NBPF3: variants seen among roughly 807,000 people sequenced by gnomAD.
The protein encoded by NBPF3 is NBPF member 3, also known as NBPF family member NBPF3.
NBPF3 carries 57 observed loss-of-function variants against 78.1 expected under a neutral mutation model. The ratio of observed to expected loss-of-function variants is 0.73; its 90% CI spans 0.59 to 0.91. NBPF3 has a LOEUF of 0.91. NBPF3 is among the 40% of genes least tolerant of loss of function. The pLI, the probability that NBPF3 is intolerant of heterozygous loss-of-function variation, is 0.00. For missense variants in NBPF3, 510 were observed against 715.3 expected (o/e 0.71, Z 3.27); for synonymous variants, 182 against 271.7 (o/e 0.67, Z 3.25).
At chr1:21,471,930 TC>T in intron 5 of NBPF3, 147 bp downstream of exon 5, 1 of 1,166,292 alleles carries the variant, frequency 8.6e-7, no homozygotes, top group Non-Finnish European at 1.2e-6. Context: ...AACCAGGACT[TC>T]CTGGGTAAGA....
rs148434755 is a variant in NBPF3, at chr1:21,469,454, C to T, written c.343+557C>T. Among the ~76,000 whole-genome samples, 8 of 152,252 alleles carry T rather than the reference C, an allele frequency of 5.3e-5. No homozygotes were observed. The East Asian group carries it at 1.4e-3, about 26-fold the overall frequency. ...AAGAGCAGGGAGTAGGGGCCGTGCA[C>T]GGTGGCTCACTCCTGTAATCCAAGC... On this transcript the variant is annotated intron_variant, in intron 3 of 14. Transcript: ENST00000318249.
intron 4 of NBPF3, 92 bp downstream of exon 4, chr1:21,470,826 G>A (rs1353151598): frequency 6.5e-6 from 5 of 765,426 alleles, no homozygotes; most frequent in Non-Finnish European, 1.1e-5. Flanking sequence ...GCTGAACTGG[G>A]CCAGGGGAAG....
rs1641913230 is a variant in NBPF3 at position 21,460,900 on chromosome 1, A to G, written c.134-7788A>G. ...ATATAAATGGATGCATTCAAAATAT[A>G]TAAAGAACTCCTATAGGTTACAAGA... On this transcript the variant is annotated intron_variant, in intron 2 of 14. Transcript: ENST00000318249. This position sits in a 1 kb window ranked among gnomAD's most constrained non-coding sequence, Gnocchi z 4.2. Among the ~76,000 whole-genome samples the G allele has an allele frequency of 1.3e-5, 2 of 152,220 alleles. No homozygotes were observed. The highest frequency in any genetic ancestry group is 4.8e-5 in the African/African-American group (2 of 41,450).
chr1:21,483,320 G>GT lies in NBPF3; in HGVS notation c.1842dup (p.Thr615TyrfsTer25). On this transcript the variant is annotated frameshift_variant, in exon 15 of 15. Coordinates refer to ENST00000318249, the MANE Select transcript of NBPF3 (RefSeq NM_032264.6). LOFTEE classifies it low-confidence loss of function (END_TRUNC). ...GCTTGGCCCTTGACGTGGACAATAG[G>GT]TTTTTTACTTTGACAGTGATAAGGC... 8.0e-7 allele frequency: 1 copy of GT among 1,247,264 alleles called. No homozygotes were observed. The highest frequency in any genetic ancestry group is 1.1e-6 in the Non-Finnish European group (1 of 913,518). The allele number at this position is 1,247,264 out of a possible 1,614,324, so 77.3% of individuals were successfully genotyped here.
At chr1:21,482,885 A>G (rs1460950302) in intron 14 of NBPF3, among the ~76,000 whole-genome samples, 4 of 55,066 alleles carry the variant, frequency 7.3e-5, no homozygotes, top group African/African-American at 2.2e-4. Flanking sequence ...TCCCTCATCA[A>G]TGTGTCACCT....
chr1:21,461,892 T>C (rs1641970934), intron 2 of NBPF3, among the ~76,000 whole-genome samples: 1 of 152,064 alleles, frequency 6.6e-6, no homozygotes, highest in Non-Finnish European at 1.5e-5. Context: ...TGGGGGTAAA[T>C]GGGAGGTGTT....
At chr1:21,449,920 C>G (rs965865275) in intron 2 of NBPF3, 12 of 265,110 alleles carry the variant, frequency 4.5e-5, no homozygotes, top group Non-Finnish European at 7.1e-5. Flanking sequence ...GTAGTTCTTT[C>G]ATTGATTGAT....
chr1:21,447,956 GA>G (rs1641085955), intron 2 of NBPF3, among the ~76,000 whole-genome samples: 1 of 152,078 alleles, frequency 6.6e-6, no homozygotes, highest in Admixed American at 6.6e-5. Flanking sequence ...TCTTATTAAT[GA>G]GGTGTTCAGA....
chr1:21,479,792 A>ATT (rs1643083856), intron 10 of NBPF3, among the ~76,000 whole-genome samples: 1 of 81,120 alleles, frequency 1.2e-5, no homozygotes, highest in Non-Finnish European at 2.8e-5. Context: ...TGAGCTCACT[A>ATT]TCTCTCTCTC....
chr1:21,443,659 G>A (rs1640796513), intron 1 of NBPF3, among the ~76,000 whole-genome samples: 1 of 151,948 alleles, frequency 6.6e-6, no homozygotes, highest in Non-Finnish European at 1.5e-5. Context: ...TGTTGCCCAG[G>A]CTGGAGTGCA....
Position 21,484,150 on chromosome 1 carries a change from T to C in NBPF3, c.*764T>C, listed in dbSNP as rs1558514412. On this transcript the variant is annotated 3_prime_UTR_variant, in exon 15 of 15. Transcript: ENST00000318249. ...CAGAAAATGCTTAGCCTGAGTTTCA[T>C]AGGAGGTAATCACCAGACAACTGCA... 1 of 74,196 alleles carries C rather than the reference T, an allele frequency of 1.3e-5. No homozygotes were observed. Among genetic ancestry groups the C allele is most frequent in the Non-Finnish European group, 3.3e-5 (1 of 30,612 alleles). The allele number at this position is 74,196 out of a possible 1,614,324, so 4.6% of individuals were successfully genotyped here. A position where few individuals can be genotyped will look rare whatever the true frequency, so the allele number is the denominator to read the frequency against.
intron 2 of NBPF3, chr1:21,467,431 C>T (rs1176247840): frequency 2.2e-6 from 2 of 910,850 alleles, no homozygotes; most frequent in Non-Finnish European, 2.6e-6. Flanking sequence ...GGGGATCACT[C>T]TTTCCTACTC....
chr1:21,479,820 C>CTCTGTGTGTGTGTGTGTGTGTGTG (rs766796014), intron 10 of NBPF3, among the ~76,000 whole-genome samples: 52 of 102,884 alleles, frequency 5.1e-4, no homozygotes, highest in Non-Finnish European at 6.0e-4. Flanking sequence ...CTCTCTCTCT[C>CTCTGTGTGTGTGTGTGTGTGTGTG]TGTGTGTGTG....
At chr1:21,444,064 A>G (rs1400536957) in intron 1 of NBPF3, among the ~76,000 whole-genome samples, 1 of 152,166 alleles carries the variant, frequency 6.6e-6, no homozygotes, top group East Asian at 1.9e-4. Context: ...CGGCAATTAG[A>G]GATTTTGTCT....
intron 2 of NBPF3, among the ~76,000 whole-genome samples, chr1:21,465,929 A>ACATGAAG (rs1393343949): frequency 6.6e-6 from 1 of 152,254 alleles, no homozygotes; most frequent in Non-Finnish European, 1.5e-5. Flanking sequence ...AGGCACTGAG[A>ACATGAAG]CATGAAGAAC....
chr1:21,448,999 C>T (rs1641148178), intron 2 of NBPF3, among the ~76,000 whole-genome samples: 2 of 152,132 alleles, frequency 1.3e-5, no homozygotes, highest in South Asian at 4.1e-4. Flanking sequence ...AGCCATTGTC[C>T]ACGTACAACT....
chr1:21,473,334 C>T (rs754979073), intron 6 of NBPF3, 46 bp from the exon 7 acceptor site: 7 of 1,596,940 alleles, frequency 4.4e-6, no homozygotes, highest in East Asian at 2.2e-5. Flanking sequence ...TGTCCAATCC[C>T]TCTGTGTTTA....
chr1:21,442,113 A>G (rs751830108), intron 1 of NBPF3: 33 of 152,048 alleles, frequency 2.2e-4, no homozygotes, highest in Non-Finnish European at 3.7e-4. Context: ...TTTATTCTGG[A>G]TATGCCTCCT....
rs142126252 is a variant in NBPF3 at position 21,480,120 on chromosome 1, A to C, written c.1278A>C (p.Ser426=). The stretch of plus-strand genomic sequence containing the variant: ...AGGACTCACTGGATAGATTTTATTC[A>C]ACTCCTTTTGAGTACCTGGAACTGC... ...VLQDSLDRFY[S]TPFEYLELPD... Residue 426 remains serine (S), a synonymous_variant, in exon 11 of 15, where the codon TCA becomes TCC. Transcript: ENST00000318249. The C allele has an allele frequency of 1.9e-6, 2 of 1,074,154 alleles. No homozygotes were observed. The highest frequency in any genetic ancestry group is 1.4e-5 in the African/African-American group (1 of 69,578). 66.5% of individuals were successfully genotyped at this position (1,074,154 alleles called of 1,614,324 possible).
Sources: gnomAD v4.1 joint callset for allele counts (sites outside exome capture counted in the v4.1 genomes callset) on GRCh38, gnomAD v4.1.1 for gene constraint, Gnocchi (gnomAD v3.1) non-coding constraint, MANE v1.5 for transcripts, NCBI Gene and HGNC (gene_info 2026-07-23, HGNC 2026-07-21) for gene names.